NADSYN1: variants seen among roughly 807,000 people sequenced by gnomAD.
The protein encoded by NADSYN1 is glutamine-dependent NAD(+) synthetase.
A neutral mutation model predicts 99.3 loss-of-function variants in NADSYN1; 80 were observed. That is an observed-to-expected ratio of 0.81 (90% CI 0.67 to 0.97). The LOEUF (loss-of-function observed/expected upper bound fraction) is 0.97, where lower values mean the gene tolerates loss of function less well. Ranked by LOEUF, NADSYN1 falls within the 50% of genes least tolerant of loss-of-function variation. NADSYN1 has a pLI of 0.00. For missense variants in NADSYN1, 859 were observed against 948.5 expected (o/e 0.91, Z 1.24); for synonymous variants, 385 against 372.1 (o/e 1.03, Z -0.40).
chr11:71,465,000 A>G (rs1316065925), intron 5 of NADSYN1, among the ~76,000 whole-genome samples: 1 of 152,062 alleles, frequency 6.6e-6, no homozygotes. Flanking sequence ...GCTGGGGCCA[A>G]TGGTGCAGGC....
chr11:71,480,667 G>T (rs1277043097), intron 10 of NADSYN1, 88 bp from the exon 11 acceptor site: 2 of 1,591,540 alleles, frequency 1.3e-6, no homozygotes, highest in African/African-American at 2.7e-5. Context: ...TTCTGTGGCT[G>T]ATGGAGTCCT....
chr11:71,477,345 C>T (rs1234278347), intron 9 of NADSYN1: 7 of 1,289,398 alleles, frequency 5.4e-6, no homozygotes, highest in Non-Finnish European at 7.1e-6. Flanking sequence ...TGCATGGAAG[C>T]TTGGTGGCCA....
At chr11:71,462,994 G>T (rs1194555544) in intron 3 of NADSYN1, among the ~76,000 whole-genome samples, 1 of 152,216 alleles carries the variant, frequency 6.6e-6, no homozygotes, top group Non-Finnish European at 1.5e-5. Context: ...CCCGAGAAAG[G>T]GCCAGCCCGG....
At chr11:71,454,999 T>G in intron 1 of NADSYN1, 111 bp from the exon 2 acceptor site, 6 of 711,716 alleles carry the variant, frequency 8.4e-6, no homozygotes, top group Admixed American at 3.0e-5. Context: ...GCATTTTTGT[T>G]TGTTGTTTGT....
At chr11:71,501,229 G>A in intron 20 of NADSYN1, 73 bp from the exon 21 acceptor site, 1 of 1,362,014 alleles carries the variant, frequency 7.3e-7, no homozygotes, top group Non-Finnish European at 9.8e-7. Flanking sequence ...CCCGCTTTTG[G>A]TGCGTGCCAG....
Position 71,458,437 on chromosome 11 carries a change from A to G in NADSYN1, c.156A>G (p.Gly52=), listed in dbSNP as rs762854670. 12 of 1,613,482 alleles carry G rather than the reference A, an allele frequency of 7.4e-6. No homozygotes were observed. Among genetic ancestry groups the G allele is most frequent in the Non-Finnish European group, 1.0e-5 (12 of 1,179,512 alleles). The change falls in exon 3 of 21, where the codon GGA becomes GGG. Residue 52 remains glycine (G), a synonymous_variant. Transcript: ENST00000319023. ...CTCACTGTCTCTGCAGCGGCTACGG[A>G]TGTTGGGATCATTATTACGAGTCGG... ...LGPELEICGY[G]CWDHYYESDT...
rs376987366 is a variant in NADSYN1 at position 71,501,391 on chromosome 11, C to A, written c.*39C>A. ...CTGGAGGCCTCCTGTCCTCGGGGACCCCAGCACCTCATCATCAGCATTGCT... is the reference window on the plus strand; with the variant it reads ...CTGGAGGCCTCCTGTCCTCGGGGACACCAGCACCTCATCATCAGCATTGCT... On this transcript the variant is annotated 3_prime_UTR_variant, in exon 21 of 21. Coordinates refer to ENST00000319023, the MANE Select transcript of NADSYN1 (RefSeq NM_018161.5). 9 of 1,563,350 alleles carry A rather than the reference C, an allele frequency of 5.8e-6. No homozygotes were observed. The African/African-American group carries it at 1.1e-4, about 19-fold the overall frequency.
intron 16 of NADSYN1, 71 bp downstream of exon 16, chr11:71,485,719 G>A: frequency 6.1e-6 from 7 of 1,144,072 alleles, no homozygotes; most frequent in South Asian, 1.5e-5. Context: ...GATACGCTGT[G>A]AGATTCTATC....
chr11:71,464,503 A>G (rs1365431680), intron 5 of NADSYN1: 1 of 184,164 alleles, frequency 5.4e-6, no homozygotes, highest in Non-Finnish European at 1.1e-5. Context: ...TACTTGGTGT[A>G]CACACTATGC....
At position 71,464,035 on chromosome 11, in the gene NADSYN1, C is replaced by A. The variant is rs376539751; in HGVS notation, c.318-18C>A. The A allele has an allele frequency of 3.8e-6, 6 of 1,599,818 alleles. No individual in the cohort carries two copies. Among genetic ancestry groups the A allele is most frequent in the African/African-American group, 1.3e-5 (1 of 74,748 alleles). ...TCTCAGGAGCCCGGTGTGCACAGCCCTGTTCCCCTGTCTGCAGGAAGATCC... is the reference window on the plus strand; with the variant it reads ...TCTCAGGAGCCCGGTGTGCACAGCCATGTTCCCCTGTCTGCAGGAAGATCC... On this transcript the variant is annotated intron_variant, in intron 4 of 20. Coordinates refer to ENST00000319023, the MANE Select transcript of NADSYN1 (RefSeq NM_018161.5).
rs1442525170 is a variant in NADSYN1, at chr11:71,474,515, C to G, written c.787C>G (p.Leu263Val). 3 of 1,614,070 alleles carry G rather than the reference C, an allele frequency of 1.9e-6. No individual in the cohort carries two copies. Among genetic ancestry groups the G allele is most frequent in the Non-Finnish European group, 2.5e-6 (3 of 1,180,008 alleles). Reference protein sequence around the residue: ...SVFAQGSQFSLDDVEVLTATL... With the variant: ...SVFAQGSQFSVDDVEVLTATL... ...CTTTGCTCAAGGATCCCAGTTTTCT[C>G]TGGATGACGTGGTAATGAGCGGGCC... The change falls in exon 9 of 21, where the codon CTG (leucine) becomes GTG (valine). Residue 263 changes from leucine to valine, a missense_variant. Transcript: ENST00000319023.
At chr11:71,481,255 G>A in intron 11 of NADSYN1, 101 bp from the exon 12 acceptor site, 1 of 1,213,738 alleles carries the variant, frequency 8.2e-7, no homozygotes, top group Non-Finnish European at 1.2e-6. Context: ...GCCCAGCGTT[G>A]ACTCTGGCAC....
intron 18 of NADSYN1, chr11:71,497,252 C>T (rs559854632): frequency 7.4e-5 from 38 of 513,996 alleles, no homozygotes; most frequent in East Asian, 6.7e-4. Flanking sequence ...GGTGAGCCAC[C>T]GTTCACCCGT....
intron 16 of NADSYN1, 27 bp downstream of exon 16, chr11:71,485,675 G>A: frequency 1.3e-6 from 2 of 1,509,782 alleles, no homozygotes; most frequent in Non-Finnish European, 1.8e-6. Context: ...GGCACGTGGT[G>A]GTGGGCCCCT....
chr11:71,463,304 T>C (rs1591123024), intron 3 of NADSYN1, 128 bp from the exon 4 acceptor site: 1 of 820,566 alleles, frequency 1.2e-6, no homozygotes, highest in Non-Finnish European at 2.0e-6. Flanking sequence ...CTTGCAGTTC[T>C]CCGAAGGGAT....
chr11:71,453,349 A>G lies in NADSYN1; in HGVS notation c.53A>G (p.Asp18Gly). 2 of 1,613,870 alleles carry G rather than the reference A, an allele frequency of 1.2e-6. No homozygotes were observed. The highest frequency in any genetic ancestry group is 1.7e-6 in the Non-Finnish European group (2 of 1,179,844). The change falls in exon 1 of 21, where the codon GAC (aspartate) becomes GGC (glycine). Residue 18 changes from aspartate to glycine, a missense_variant. Asp to Gly is a moderately conservative substitution (Grantham distance 94, BLOSUM62 -1). Transcript: ENST00000319023. ...TGCGCACTCAACCAGTGGGCCCTGGACTTCGAGGGCAATTTGCAAAGAATT... is the reference window on the plus strand; with the variant it reads ...TGCGCACTCAACCAGTGGGCCCTGGGCTTCGAGGGCAATTTGCAAAGAATT... Reference protein sequence around the residue: ...ATCALNQWALDFEGNLQRILK... With the variant: ...ATCALNQWALGFEGNLQRILK...
At chr11:71,491,232 C>T (rs1388348438) in intron 17 of NADSYN1, among the ~76,000 whole-genome samples, 2 of 152,280 alleles carry the variant, frequency 1.3e-5, no homozygotes, top group Non-Finnish European at 2.9e-5. Context: ...CCTTCCCTGC[C>T]GTCCCCATGC....
intron 9 of NADSYN1, chr11:71,476,443 A>G (rs1565601399): frequency 3.8e-6 from 1 of 260,922 alleles, no homozygotes; most frequent in African/African-American, 2.2e-5. Context: ...CTTTCTGCAC[A>G]GCATAGGTGT....
intron 14 of NADSYN1, among the ~76,000 whole-genome samples, chr11:71,484,088 GA>G (rs1949726437): frequency 6.6e-6 from 1 of 152,246 alleles, no homozygotes; most frequent in South Asian, 2.1e-4. Context: ...AGGGAGTGGG[GA>G]CAGACTGCCA....
Sources: gnomAD v4.1 joint callset for allele counts (sites outside exome capture counted in the v4.1 genomes callset) on GRCh38, gnomAD v4.1.1 for gene constraint, MANE v1.5 for transcripts, NCBI Gene and HGNC (gene_info 2026-07-23, HGNC 2026-07-21) for gene names.